Variants in DMD observed in about 807,000 individuals in gnomAD.
The protein encoded by DMD is mutant dystrophin.
A neutral mutation model predicts 330.1 loss-of-function variants in DMD; 63 were observed. The ratio of observed to expected loss-of-function variants is 0.19; its 90% CI spans 0.16 to 0.24. The LOEUF (loss-of-function observed/expected upper bound fraction) is 0.24, where lower values mean the gene tolerates loss of function less well. DMD is among the 10% of genes least tolerant of loss of function. DMD has a pLI of 1.00. For missense variants in DMD, 3,344 were observed against 2,684.1 expected (o/e 1.25, Z -5.43); for synonymous variants, 1,223 against 959.8 (o/e 1.27, Z -5.07).
chrX:31,269,334 C>T (rs777489857), intron 62 of DMD, among the ~76,000 whole-genome samples: 80 of 111,187 alleles, frequency 7.2e-4, no homozygotes, highest in African/African-American at 2.5e-3. Context: ...TTCTTCTTCT[C>T]CTCCTTCTGA....
chrX:32,603,685 T>C (rs1419138753), intron 12 of DMD, among the ~76,000 whole-genome samples: 1 of 111,175 alleles, frequency 9.0e-6, no homozygotes, highest in Admixed American at 9.6e-5. Flanking sequence ...TTACAACTGA[T>C]ACCATAGAAA....
At chrX:33,220,002 C>G (rs1382694234) in intron 1 of DMD, among the ~76,000 whole-genome samples, 1 of 111,091 alleles carries the variant, frequency 9.0e-6, no homozygotes. Context: ...GTTTCTACCT[C>G]CAGGCCTAAT....
chrX:31,269,214 T>A (rs1415991026), intron 62 of DMD, among the ~76,000 whole-genome samples: 1 of 111,855 alleles, frequency 8.9e-6, no homozygotes, highest in East Asian at 2.8e-4. Flanking sequence ...GAATTTTGCT[T>A]ATTAGAGGAA....
At chrX:31,730,727 T>C in intron 51 of DMD, among the ~76,000 whole-genome samples, 1 of 111,792 alleles carries the variant, frequency 8.9e-6, no homozygotes, top group Middle Eastern at 4.6e-3. Flanking sequence ...TGTTAGTTTA[T>C]AAGCAATATG....
intron 1 of DMD, among the ~76,000 whole-genome samples, chrX:33,029,496 G>A (rs2094068129): frequency 9.0e-6 from 1 of 111,583 alleles, no homozygotes; most frequent in Admixed American, 9.5e-5. Context: ...TTCTCAGGTA[G>A]GTCAATTGCT....
At chrX:32,566,276 G>A (rs190715436) in intron 15 of DMD, among the ~76,000 whole-genome samples, 1 of 112,085 alleles carries the variant, frequency 8.9e-6, no homozygotes, top group Non-Finnish European at 1.9e-5. Flanking sequence ...AACGAAAACT[G>A]ACAATCAGGT....
intron 51 of DMD, among the ~76,000 whole-genome samples, chrX:31,742,577 T>C (rs2087450606): frequency 9.0e-6 from 1 of 111,679 alleles, no homozygotes; most frequent in Non-Finnish European, 1.9e-5. Context: ...TGCCATCTTA[T>C]GAAAATAAGT....
chrX:32,783,082 CAT>C (rs1557025968), intron 7 of DMD, among the ~76,000 whole-genome samples: 5 of 100,797 alleles, frequency 5.0e-5, no homozygotes, highest in African/African-American at 7.3e-5. Flanking sequence ...TATACACACA[CAT>C]ATACATATAT....
chrX:31,703,561 A>G (rs1569262098), intron 52 of DMD, among the ~76,000 whole-genome samples: 1 of 112,422 alleles, frequency 8.9e-6, no homozygotes, highest in East Asian at 2.8e-4. Context: ...TTCTCAAGTC[A>G]TAACCAAGAA....
At chrX:32,983,528 T>TACACACAC (rs561986393) in intron 2 of DMD, among the ~76,000 whole-genome samples, 154 of 73,546 alleles carry the variant, frequency 2.1e-3, no homozygotes, top group East Asian at 4.7e-3. Flanking sequence ...CAGAACTAAA[T>TACACACAC]ACACACACAC....
chrX:32,958,026 C>G (rs991367046), intron 2 of DMD, among the ~76,000 whole-genome samples: 1 of 111,779 alleles, frequency 8.9e-6, no homozygotes, highest in Non-Finnish European at 1.9e-5. Context: ...AATTCAAGAA[C>G]TGTTATTTTG....
At chrX:32,961,913 AT>A (rs1357774558) in intron 2 of DMD, among the ~76,000 whole-genome samples, 2 of 111,866 alleles carry the variant, frequency 1.8e-5, no homozygotes, top group Admixed American at 9.6e-5. Context: ...CACAACTTTA[AT>A]TTCTTATGGA....
chrX:33,176,361 C>A (rs1396208026), intron 1 of DMD, among the ~76,000 whole-genome samples: 1 of 107,166 alleles, frequency 9.3e-6, no homozygotes, highest in African/African-American at 3.4e-5. Context: ...TCCCCTGAGT[C>A]GGAACAATAA....
rs2071617704 is a variant in DMD, at chrX:31,511,722, C to A, written c.8218-4269G>T. ...TGTATATGTGCCACATTTTCTTAAT[C>A]CAGTCTATCACTGTTGGACATTTGG... On this transcript the variant is annotated intron_variant, in intron 55 of 78. Coordinates refer to ENST00000357033, the MANE Select transcript of DMD (RefSeq NM_004006.3). 4.6e-5 allele frequency among the ~76,000 whole-genome samples: 5 copies of A among 108,483 alleles called. No individual in the cohort carries two copies. In the South Asian group the frequency reaches 2.1e-3, roughly 45 times the overall value. The allele number at this position is 108,483 out of a possible 115,157, so 94.2% of individuals were successfully genotyped here. A position where few individuals can be genotyped will look rare whatever the true frequency, so the allele number is the denominator to read the frequency against.
In DMD at chrX:32,093,060, G is replaced by A. The variant is rs768787117; in HGVS notation, c.6438+123856C>T. Among the ~76,000 whole-genome samples, 10 of 110,973 alleles carry A rather than the reference G, an allele frequency of 9.0e-5. No homozygotes were observed. The South Asian group carries it at 1.5e-3, about 17-fold the overall frequency. On this transcript the variant is annotated intron_variant, in intron 44 of 78. Transcript: ENST00000357033. ...GTATTCAATAGTCTTGCTCATTGGC[G>A]CTAACATTAAAGTATGAAATAAGTT...
intron 60 of DMD, among the ~76,000 whole-genome samples, chrX:31,407,891 CTT>C (rs772381319): frequency 9.0e-6 from 1 of 111,486 alleles, no homozygotes; most frequent in Non-Finnish European, 1.9e-5. Flanking sequence ...TGTTCTCTCT[CTT>C]GACTTTATTT....
At chrX:32,778,827 T>C (rs2074424770) in intron 7 of DMD, among the ~76,000 whole-genome samples, 2 of 110,782 alleles carry the variant, frequency 1.8e-5, no homozygotes, top group South Asian at 3.8e-4. Context: ...TCTCCCTCCC[T>C]ATTTTAAGAT....
intron 55 of DMD, among the ~76,000 whole-genome samples, chrX:31,522,325 TTCTCTCTC>T (rs1193302041): frequency 3.5e-4 from 18 of 51,326 alleles, no homozygotes; most frequent in East Asian, 1.5e-3. Flanking sequence ...AGATCAAAAT[TTCTCTCTC>T]TCTCTCTCTC....
intron 44 of DMD, among the ~76,000 whole-genome samples, chrX:32,138,345 T>C (rs2096737147): frequency 9.0e-6 from 1 of 111,303 alleles, no homozygotes; most frequent in Non-Finnish European, 1.9e-5. Flanking sequence ...TTGAAACAAC[T>C]CACTTAACCC....
Sources: gnomAD v4.1 joint callset for allele counts (sites outside exome capture counted in the v4.1 genomes callset) on GRCh38, gnomAD v4.1.1 for gene constraint, MANE v1.5 for transcripts, NCBI Gene and HGNC (gene_info 2026-07-23, HGNC 2026-07-21) for gene names.